The following IL1RAPL1 variants were observed in gnomAD, a reference collection of about 807,000 sequenced individuals.
The protein encoded by IL1RAPL1 is interleukin 1 receptor accessory protein like 1, also known as interleukin-1 receptor accessory protein-like 1.
Under a neutral mutation model 48.4 loss-of-function variants are expected in IL1RAPL1, and 3 were observed. The ratio of observed to expected loss-of-function variants is 0.06; its 90% CI spans 0.03 to 0.16. The LOEUF (loss-of-function observed/expected upper bound fraction) is 0.16, where lower values mean the gene tolerates loss of function less well. Among genes scored for constraint, IL1RAPL1 ranks in the 10% least tolerant of loss-of-function variants. IL1RAPL1 has a pLI of 1.00. For synonymous variants in IL1RAPL1, 185 were observed against 187.7 expected, an observed-to-expected ratio of 0.99 and a Z score of 0.12; for missense variants, 349 against 530.6, an observed-to-expected ratio of 0.66 and a Z score of 3.36.
intron 2 of IL1RAPL1, among the ~76,000 whole-genome samples, chrX:29,076,798 G>GTCTA (rs369681917): frequency 0.15 from 12,749 of 85,042 alleles, 700 homozygotes; most frequent in Non-Finnish European, 0.16. Context: ...CTGTCTGTCT[G>GTCTA]TCTGTCTATC....
At chrX:28,611,870 G>T (rs1310196088) in intron 1 of IL1RAPL1, among the ~76,000 whole-genome samples, 1 of 112,477 alleles carries the variant, frequency 8.9e-6, no homozygotes, top group Non-Finnish European at 1.9e-5. Flanking sequence ...TATGATGAGG[G>T]CCAGGACACT....
At chrX:28,949,562 A>G (rs1233987397) in intron 2 of IL1RAPL1, among the ~76,000 whole-genome samples, 1 of 111,623 alleles carries the variant, frequency 9.0e-6, no homozygotes, top group Non-Finnish European at 1.9e-5. Context: ...TTTGTAGAAA[A>G]AATTTGTCCC....
At chrX:29,073,370 C>G (rs1927605788) in intron 2 of IL1RAPL1, among the ~76,000 whole-genome samples, 1 of 111,486 alleles carries the variant, frequency 9.0e-6, no homozygotes, top group African/African-American at 3.3e-5. Flanking sequence ...CTCCTTTTCT[C>G]TTTCCACTCC....
At chrX:29,040,265 C>T (rs914130736) in intron 2 of IL1RAPL1, among the ~76,000 whole-genome samples, 20 of 112,056 alleles carry the variant, frequency 1.8e-4, no homozygotes, top group African/African-American at 5.2e-4. Flanking sequence ...AAAAAGTGGT[C>T]GGCTCAGTGA....
intron 6 of IL1RAPL1, among the ~76,000 whole-genome samples, chrX:29,788,418 A>G (rs1337023664): frequency 8.9e-6 from 1 of 112,030 alleles, no homozygotes. Context: ...ATGAAGCAAT[A>G]TTCATCAAGG....
At chrX:28,897,373 C>T (rs1160963446) in intron 2 of IL1RAPL1, among the ~76,000 whole-genome samples, 2 of 111,706 alleles carry the variant, frequency 1.8e-5, no homozygotes, top group Non-Finnish European at 3.8e-5. Flanking sequence ...ACTGTCTTCC[C>T]GAGCCCGTGA....
intron 2 of IL1RAPL1, among the ~76,000 whole-genome samples, chrX:28,819,524 C>G (rs1259684137): frequency 9.0e-6 from 1 of 110,718 alleles, no homozygotes; most frequent in Non-Finnish European, 1.9e-5. Flanking sequence ...TTAAGATAAA[C>G]TAAAGTGAAG....
chrX:28,949,391 G>A (rs1924390675), intron 2 of IL1RAPL1, among the ~76,000 whole-genome samples: 1 of 110,892 alleles, frequency 9.0e-6, no homozygotes, highest in African/African-American at 3.3e-5. Flanking sequence ...ACTCTGCCAA[G>A]GACTGGCTTG....
intron 3 of IL1RAPL1, among the ~76,000 whole-genome samples, chrX:29,372,036 C>G (rs1157985146): frequency 8.9e-6 from 1 of 112,177 alleles, no homozygotes; most frequent in Admixed American, 9.4e-5. Flanking sequence ...ATTTACATTC[C>G]CACCAAAAGT....
intron 5 of IL1RAPL1, among the ~76,000 whole-genome samples, chrX:29,490,035 T>C (rs1182356053): frequency 9.0e-6 from 1 of 111,286 alleles, no homozygotes; most frequent in Non-Finnish European, 1.9e-5. Flanking sequence ...TGTGGTGGTT[T>C]CATCCTTGTT....
At chrX:29,443,231 G>GCTCTCTCT (rs376805298) in intron 5 of IL1RAPL1, among the ~76,000 whole-genome samples, 11,311 of 93,756 alleles carry the variant, frequency 0.12, 825 homozygotes, top group African/African-American at 0.25. Flanking sequence ...GCTCTCGCTT[G>GCTCTCTCT]CTCTCTCTCT....
chrX:29,557,388 A>G (rs1206441750), intron 5 of IL1RAPL1, among the ~76,000 whole-genome samples: 2 of 111,769 alleles, frequency 1.8e-5, no homozygotes, highest in Non-Finnish European at 3.8e-5. Context: ...ATTGAGATGT[A>G]GTGACAAAAA....
intron 3 of IL1RAPL1, among the ~76,000 whole-genome samples, chrX:29,288,263 T>C (rs1347635343): frequency 2.7e-5 from 3 of 110,949 alleles, no homozygotes; most frequent in African/African-American, 6.6e-5. Flanking sequence ...AGGTATTAAG[T>C]CCAGCATGCA....
intron 2 of IL1RAPL1, among the ~76,000 whole-genome samples, chrX:29,103,958 AAGAC>A (rs1928396679): frequency 8.9e-6 from 1 of 111,988 alleles, no homozygotes; most frequent in East Asian, 2.8e-4. Context: ...TTTTATCCAA[AAGAC>A]AGGCAATAAC....
At chrX:29,791,600 T>C (rs2147162736) in intron 6 of IL1RAPL1, among the ~76,000 whole-genome samples, 1 of 108,990 alleles carries the variant, frequency 9.2e-6, no homozygotes, top group South Asian at 4.0e-4. Flanking sequence ...TTTTTTGTAT[T>C]TTTAGTAGAT....
At chrX:29,550,633 C>T (rs1330024405) in intron 5 of IL1RAPL1, among the ~76,000 whole-genome samples, 1 of 111,173 alleles carries the variant, frequency 9.0e-6, no homozygotes, top group Non-Finnish European at 1.9e-5. Flanking sequence ...GACTTCTTCA[C>T]TTAACTAAAT....
chrX:29,626,102 A>G (rs1924607768), intron 5 of IL1RAPL1, among the ~76,000 whole-genome samples: 1 of 112,271 alleles, frequency 8.9e-6, no homozygotes, highest in Non-Finnish European at 1.9e-5. Flanking sequence ...TTAAAATATA[A>G]AGAAGAAAGA....
At chrX:28,977,129 T>A (rs1013744959) in intron 2 of IL1RAPL1, among the ~76,000 whole-genome samples, 12 of 112,516 alleles carry the variant, frequency 1.1e-4, no homozygotes, top group African/African-American at 3.9e-4. Flanking sequence ...TGCTTATTTG[T>A]CAAAGGTGAA....
chrX:29,798,887 C>G (rs1458784713), intron 6 of IL1RAPL1, among the ~76,000 whole-genome samples: 2 of 112,229 alleles, frequency 1.8e-5, no homozygotes, highest in Admixed American at 1.9e-4. Context: ...GGCCACAGAA[C>G]AGCTTGTTTG....
Sources: allele counts gnomAD v4.1 joint callset (sites outside exome capture counted in the v4.1 genomes callset), GRCh38; gene constraint gnomAD v4.1.1; transcripts MANE v1.5; gene names NCBI Gene and HGNC (gene_info 2026-07-23, HGNC 2026-07-21).